RAB6B: variants seen among roughly 807,000 people sequenced by gnomAD.
RAB6B encodes the protein RAB6B, member RAS oncogene family.
Under a neutral mutation model 31.2 loss-of-function variants are expected in RAB6B, and 7 were observed. The observed-to-expected ratio is 0.22, with a 90% confidence interval of 0.13 to 0.42. The LOEUF is 0.42. RAB6B is among the 10% of genes least tolerant of loss of function. RAB6B has a pLI of 1.00. For synonymous variants in RAB6B, 105 were observed against 104.9 expected (o/e 1.00, Z -0.01); for missense variants, 149 against 280.6 (o/e 0.53, Z 3.35).
chr3:133,875,201 G>A (rs1279495999), intron 1 of RAB6B, among the ~76,000 whole-genome samples: 1 of 152,134 alleles, frequency 6.6e-6, no homozygotes, highest in African/African-American at 2.4e-5. Context: ...TGCAGCACAT[G>A]ACTATATATA....
intron 1 of RAB6B, among the ~76,000 whole-genome samples, chr3:133,873,004 C>T (rs1936346940): frequency 1.3e-5 from 2 of 152,124 alleles, no homozygotes; most frequent in Admixed American, 6.6e-5. Context: ...AGCTAGGAGG[C>T]GGACCGATGC....
At chr3:133,893,008 G>T (rs1478490498) in intron 1 of RAB6B, among the ~76,000 whole-genome samples, 1 of 152,208 alleles carries the variant, frequency 6.6e-6, no homozygotes, top group Non-Finnish European at 1.5e-5. Context: ...TTGGAAACAG[G>T]CTTTTCAGGG....
intron 2 of RAB6B, among the ~76,000 whole-genome samples, chr3:133,855,963 A>G (rs909552939): frequency 6.6e-6 from 1 of 151,988 alleles, no homozygotes; most frequent in Non-Finnish European, 1.5e-5. Context: ...GCGGGGAGGA[A>G]CTCCAGGGAA....
At chr3:133,859,556 C>T (rs1049383281) in intron 2 of RAB6B, among the ~76,000 whole-genome samples, 11 of 152,164 alleles carry the variant, frequency 7.2e-5, no homozygotes, top group Non-Finnish European at 4.4e-5. Flanking sequence ...AAAGGCAGTG[C>T]GAGGGCTTTT....
intron 7 of RAB6B, among the ~76,000 whole-genome samples, chr3:133,829,185 GC>G (rs991075047): frequency 1.3e-5 from 2 of 152,190 alleles, no homozygotes; most frequent in Non-Finnish European, 2.9e-5. Flanking sequence ...CCTGGCCTCA[GC>G]CCAGTTACCT....
At chr3:133,831,540 T>C (rs1935656233) in intron 7 of RAB6B, among the ~76,000 whole-genome samples, 1 of 152,250 alleles carries the variant, frequency 6.6e-6, no homozygotes, top group South Asian at 2.1e-4. Flanking sequence ...GCTAGGAGCC[T>C]TCCCAAAGGC....
intron 2 of RAB6B, among the ~76,000 whole-genome samples, chr3:133,860,386 C>T (rs1936142715): frequency 6.6e-6 from 1 of 151,978 alleles, no homozygotes; most frequent in African/African-American, 2.4e-5. Flanking sequence ...AGCCACTAGC[C>T]GAGGAAGGCC....
chr3:133,862,244 C>G (rs1410691374), intron 2 of RAB6B, among the ~76,000 whole-genome samples: 1 of 152,128 alleles, frequency 6.6e-6, no homozygotes, highest in Non-Finnish European at 1.5e-5. Flanking sequence ...GTCTAAAACC[C>G]GAGGCCAACT....
chr3:133,883,078 G>A (rs1936491417), intron 1 of RAB6B, among the ~76,000 whole-genome samples: 1 of 152,208 alleles, frequency 6.6e-6, no homozygotes, highest in Non-Finnish European at 1.5e-5. Flanking sequence ...TCACAGAAGT[G>A]CAGAACCAAA....
At chr3:133,828,878 T>C in intron 7 of RAB6B, 26 bp from the exon 8 acceptor site, 5 of 1,583,982 alleles carry the variant, frequency 3.2e-6, no homozygotes, top group Non-Finnish European at 4.3e-6. Context: ...CTAAGGAAGA[T>C]GACTCTCCTG....
rs796734258 is a variant in RAB6B at position 133,846,508 on chromosome 3, C to CA, written c.130-4846dup. The stretch of plus-strand genomic sequence containing the variant: ...TCAGGACAGTAGAAACAGATGCAAG[C>CA]AAAAAACATCTTGAGAATAGCCCCC... On this transcript the variant is annotated intron_variant, in intron 2 of 7. Coordinates refer to ENST00000285208, the MANE Select transcript of RAB6B (RefSeq NM_016577.4). Among the ~76,000 whole-genome samples the CA allele has an allele frequency of 1.8e-4, 28 of 152,078 alleles. 1 individual carries two copies. The East Asian group carries it at 3.7e-3, about 20-fold the overall frequency.
At position 133,895,303 on chromosome 3, in the gene RAB6B, T is replaced by C. The variant is rs2108020100; in HGVS notation, c.70+94A>G. The C allele has an allele frequency of 2.8e-5, 38 of 1,363,168 alleles. 1 individual carries two copies. The South Asian group carries it at 4.2e-4, about 15-fold the overall frequency. The allele number at this position is 1,363,168 out of a possible 1,614,324, so 84.4% of individuals were successfully genotyped here. On this transcript the variant is annotated intron_variant, in intron 1 of 7. Transcript: ENST00000285208. ...TCCTCTACCCTGGCAAGGAGGGGCC[T>C]TTCCGAGCCTGGGCCGGGGGTCCCA...
At chr3:133,848,107 C>A (rs975583883) in intron 2 of RAB6B, among the ~76,000 whole-genome samples, 1 of 152,224 alleles carries the variant, frequency 6.6e-6, no homozygotes, top group Non-Finnish European at 1.5e-5. Flanking sequence ...AGACAGCTGA[C>A]TAAATATAGT....
At chr3:133,892,889 C>A (rs1229938877) in intron 1 of RAB6B, among the ~76,000 whole-genome samples, 1 of 152,248 alleles carries the variant, frequency 6.6e-6, no homozygotes, top group Non-Finnish European at 1.5e-5. Context: ...GAAGAAGCGG[C>A]TGTGGAGGTG....
chr3:133,834,529 T>G, intron 7 of RAB6B, 46 bp downstream of exon 7: 1 of 1,561,584 alleles, frequency 6.4e-7, no homozygotes. Flanking sequence ...AGTGAATAAA[T>G]GGCTTCTATA....
chr3:133,829,955 TTGTG>T (rs55638063), intron 7 of RAB6B, among the ~76,000 whole-genome samples: 55,390 of 151,786 alleles, frequency 0.36, 11,694 homozygotes, highest in Non-Finnish European at 0.47. Flanking sequence ...CAACTTTATC[TTGTG>T]TGTATGTATA....
chr3:133,869,942 G>A (rs1936292748), intron 1 of RAB6B, among the ~76,000 whole-genome samples: 1 of 152,210 alleles, frequency 6.6e-6, no homozygotes, highest in Admixed American at 6.5e-5. Flanking sequence ...ATTCGTGAGC[G>A]ATGTAAATAT....
intron 2 of RAB6B, among the ~76,000 whole-genome samples, chr3:133,849,122 T>G (rs1935944274): frequency 6.6e-6 from 1 of 152,186 alleles, no homozygotes; most frequent in South Asian, 2.1e-4. Context: ...CTCTTCCACA[T>G]GGTTTATACT....
chr3:133,831,823 G>A (rs1935659865), intron 7 of RAB6B, among the ~76,000 whole-genome samples: 1 of 152,176 alleles, frequency 6.6e-6, no homozygotes, highest in Non-Finnish European at 1.5e-5. Context: ...CTTCTCCCTG[G>A]TTCCTGGAAG....
Sources: gnomAD v4.1 joint callset for allele counts (sites outside exome capture counted in the v4.1 genomes callset) on GRCh38, gnomAD v4.1.1 for gene constraint, MANE v1.5 for transcripts, NCBI Gene and HGNC (gene_info 2026-07-23, HGNC 2026-07-21) for gene names.